ASXL3: variants seen among roughly 807,000 people sequenced by gnomAD.
ASXL3 encodes ASXL transcriptional regulator 3, also known as putative Polycomb group protein ASXL3.
Under a neutral mutation model 170.6 loss-of-function variants are expected in ASXL3, and 34 were observed. The ratio of observed to expected loss-of-function variants is 0.20; its 90% CI spans 0.15 to 0.27. The LOEUF (loss-of-function observed/expected upper bound fraction) is 0.27. Ranked by LOEUF, ASXL3 falls within the 10% of genes least tolerant of loss-of-function variation. The pLI is 1.00. For synonymous variants in ASXL3, 1,002 were observed against 989.1 expected (o/e 1.01, Z -0.24); for missense variants, 2,592 against 2,695.3 (o/e 0.96, Z 0.85).
At chr18:33,680,460 G>A (rs1415710213) in intron 7 of ASXL3, among the ~76,000 whole-genome samples, 1 of 152,092 alleles carries the variant, frequency 6.6e-6, no homozygotes, top group Non-Finnish European at 1.5e-5. Context: ...CTGTGTTAAA[G>A]TCTTTGGTTC....
At chr18:33,591,656 T>G (rs1030559251) in intron 1 of ASXL3, among the ~76,000 whole-genome samples, 47 of 152,042 alleles carry the variant, frequency 3.1e-4, no homozygotes, top group African/African-American at 1.1e-3. Context: ...TTTTTTTTCT[T>G]TTTTAAACGA....
intron 8 of ASXL3, among the ~76,000 whole-genome samples, chr18:33,700,768 G>A (rs780698293): frequency 6.6e-6 from 1 of 152,040 alleles, no homozygotes; most frequent in Non-Finnish European, 1.5e-5. Context: ...TTAGCCATAT[G>A]GGTGTATCCA....
chr18:33,704,369 A>G (rs2066925084), intron 8 of ASXL3, among the ~76,000 whole-genome samples: 1 of 152,082 alleles, frequency 6.6e-6, no homozygotes, highest in African/African-American at 2.4e-5. Context: ...CATTATAAGT[A>G]CCTATTTTAA....
rs895378139 is a variant in ASXL3 at position 33,749,858 on chromosome 18, G to C, written c.*3263G>C. The C allele has an allele frequency of 1.4e-4, 22 of 152,114 alleles. No individual in the cohort carries two copies. The highest frequency in any genetic ancestry group is 5.1e-4 in the African/African-American group (21 of 41,408). The allele number at this position is 152,114 out of a possible 1,614,324, so 9.4% of individuals were successfully genotyped here. A position where few individuals can be genotyped will look rare whatever the true frequency, so the allele number is the denominator to read the frequency against. The stretch of plus-strand genomic sequence containing the variant: ...TGCTGGACCTTGGATATTCTTACTC[G>C]GTTCAAAATACACAAAAACAAGCTG... On this transcript the variant is annotated 3_prime_UTR_variant, in exon 12 of 12. Coordinates refer to ENST00000269197, the MANE Select transcript of ASXL3 (RefSeq NM_030632.3).
At chr18:33,665,279 C>G (rs186307453) in intron 5 of ASXL3, among the ~76,000 whole-genome samples, 45 of 152,236 alleles carry the variant, frequency 3.0e-4, no homozygotes, top group Non-Finnish European at 5.6e-4. Context: ...CATAAAGTTG[C>G]AGATGCATTT....
At chr18:33,638,228 A>C (rs951564172) in intron 2 of ASXL3, among the ~76,000 whole-genome samples, 5 of 151,154 alleles carry the variant, frequency 3.3e-5, no homozygotes, top group African/African-American at 1.2e-4. Context: ...TATCAAATAC[A>C]CAAATATATA....
At chr18:33,713,758 C>G (rs1438499154) in intron 8 of ASXL3, among the ~76,000 whole-genome samples, 1 of 152,110 alleles carries the variant, frequency 6.6e-6, no homozygotes, top group African/African-American at 2.4e-5. Context: ...GAGACTGATA[C>G]ACATATGGTA....
At chr18:33,625,406 T>C (rs184897086) in intron 2 of ASXL3, among the ~76,000 whole-genome samples, 1 of 152,332 alleles carries the variant, frequency 6.6e-6, no homozygotes, top group East Asian at 1.9e-4. Context: ...GAAGTCAGTA[T>C]GTCAAACATG....
At chr18:33,729,265 C>T (rs2067402309) in intron 8 of ASXL3, among the ~76,000 whole-genome samples, 1 of 152,154 alleles carries the variant, frequency 6.6e-6, no homozygotes, top group African/African-American at 2.4e-5. Context: ...CAGAACTGTT[C>T]CACAGGAGGA....
chr18:33,685,530 C>T (rs1303771496), intron 8 of ASXL3, among the ~76,000 whole-genome samples: 1 of 152,188 alleles, frequency 6.6e-6, no homozygotes, highest in Non-Finnish European at 1.5e-5. Context: ...GTTTACAAAT[C>T]TGTCTCCAGC....
At chr18:33,592,043 T>C (rs992831916) in intron 1 of ASXL3, among the ~76,000 whole-genome samples, 2 of 152,214 alleles carry the variant, frequency 1.3e-5, no homozygotes, top group Middle Eastern at 3.4e-3. Flanking sequence ...GAGAATGAAA[T>C]CCTTAATCAG....
At chr18:33,607,344 A>G (rs754789753) in intron 1 of ASXL3, among the ~76,000 whole-genome samples, 1 of 151,960 alleles carries the variant, frequency 6.6e-6, no homozygotes. Context: ...TAGGGTTCAC[A>G]TTCCTTTTTT....
intron 1 of ASXL3, among the ~76,000 whole-genome samples, chr18:33,593,503 G>A (rs2145101244): frequency 6.6e-6 from 1 of 151,986 alleles, no homozygotes; most frequent in Admixed American, 6.6e-5. Context: ...AGGAAAAGGG[G>A]GAAAAATGAA....
chr18:33,680,670 G>A (rs1251070462), intron 7 of ASXL3, among the ~76,000 whole-genome samples: 1 of 151,950 alleles, frequency 6.6e-6, no homozygotes, highest in Non-Finnish European at 1.5e-5. Flanking sequence ...TATATTCCCA[G>A]TAAATTATTC....
Position 33,745,248 on chromosome 18 carries a change from C to T in ASXL3, c.5400C>T (p.Pro1800=), listed in dbSNP as rs1049869871. ...TAPERNVEIP[P]SSPNPDGKGY... Reference sequence around the variant, plus strand: ...CAGAGAGAAACGTTGAAATTCCGCCCAGCTCTCCAAATCCAGATGGTAAGG... The same window carrying T: ...CAGAGAGAAACGTTGAAATTCCGCCTAGCTCTCCAAATCCAGATGGTAAGG... Residue 1800 remains proline, a synonymous_variant, in exon 12 of 12, where the codon CCC becomes CCT. Transcript: ENST00000269197. 6.2e-7 allele frequency: 1 copy of T among 1,614,016 alleles called. No individual in the cohort carries two copies. Among genetic ancestry groups the T allele is most frequent in the Non-Finnish European group, 8.5e-7 (1 of 1,179,894 alleles).
intron 8 of ASXL3, among the ~76,000 whole-genome samples, chr18:33,727,561 G>A (rs899711630): frequency 3.3e-5 from 5 of 151,892 alleles, no homozygotes; most frequent in Non-Finnish European, 5.9e-5. Context: ...ATTTTCCTTT[G>A]GAACAAAGAT....
At chr18:33,675,954 A>G (rs34728432) in intron 7 of ASXL3, among the ~76,000 whole-genome samples, 64,054 of 151,550 alleles carry the variant, frequency 0.42, 14,497 homozygotes, top group East Asian at 0.81. Flanking sequence ...GGCTGGGTGC[A>G]GTGGCTCACA....
Position 33,746,381 on chromosome 18 carries a change from T to G in ASXL3, c.6533T>G (p.Leu2178Trp). 2 of 1,613,868 alleles carry G rather than the reference T, an allele frequency of 1.2e-6. No homozygotes were observed. ...ASAIEKSIGI[L>W]GSGSNPATGL... ...GCAATTGAAAAGTCCATTGGGATTT[T>G]GGGAAGTGGCTCCAATCCTGCCACA... The change falls in exon 12 of 12, where the codon TTG becomes TGG. Residue 2178 changes from leucine (L) to tryptophan (W), a missense_variant. This residue lies in a region of ASXL3 where 2,246 missense variants were observed against 2,219.6 expected (regional missense o/e 1.01). Transcript: ENST00000269197.
At chr18:33,625,569 T>C (rs2065589938) in intron 2 of ASXL3, among the ~76,000 whole-genome samples, 1 of 152,168 alleles carries the variant, frequency 6.6e-6, no homozygotes. Context: ...TTATGAGATA[T>C]AGTGAAGTTA....
Sources: gnomAD v4.1 joint callset for allele counts (sites outside exome capture counted in the v4.1 genomes callset) on GRCh38, gnomAD v4.1.1 for gene constraint, gnomAD v4.1.1 regional missense constraint, MANE v1.5 for transcripts, NCBI Gene and HGNC (gene_info 2026-07-23, HGNC 2026-07-21) for gene names.